SCIN: variants seen among roughly 807,000 people sequenced by gnomAD.
SCIN encodes the protein scinderin.
In SCIN, 91 loss-of-function variants were observed where a neutral mutation model predicts 91.8. The ratio of observed to expected loss-of-function variants is 0.99; its 90% CI spans 0.84 to 1.18. SCIN has a LOEUF of 1.18. Among genes scored for constraint, SCIN ranks in the 50% most tolerant of loss-of-function variants. SCIN has a pLI of 0.00. For synonymous variants in SCIN, 367 were observed against 312.6 expected (o/e 1.17, Z -1.84); for missense variants, 1,087 against 863.9 (o/e 1.26, Z -3.24).
At chr7:12,572,419 A>G (rs928892514) in intron 1 of SCIN, among the ~76,000 whole-genome samples, 1 of 152,244 alleles carries the variant, frequency 6.6e-6, no homozygotes, top group Non-Finnish European at 1.5e-5. Context: ...GCCAGATAGA[A>G]TAATGATGTC....
intron 10 of SCIN, among the ~76,000 whole-genome samples, chr7:12,638,502 G>A (rs1783796954): frequency 6.6e-6 from 1 of 152,184 alleles, no homozygotes; most frequent in Non-Finnish European, 1.5e-5. Context: ...CCTTTACATG[G>A]TTGTGCCTGT....
At chr7:12,623,025 G>C (rs1471383104) in intron 5 of SCIN, 132 bp downstream of exon 5, 2 of 533,396 alleles carry the variant, frequency 3.7e-6, no homozygotes, top group African/African-American at 2.0e-5. Context: ...TGTGTAGATA[G>C]AATCAGTTCT....
At chr7:12,598,870 T>G (rs1782897387) in intron 3 of SCIN, among the ~76,000 whole-genome samples, 1 of 151,664 alleles carries the variant, frequency 6.6e-6, no homozygotes, top group South Asian at 2.1e-4. Context: ...ACTGCATCAC[T>G]GCACTCCAGC....
At chr7:12,572,983 T>G (rs2115197177) in intron 1 of SCIN, among the ~76,000 whole-genome samples, 1 of 152,214 alleles carries the variant, frequency 6.6e-6, no homozygotes, top group East Asian at 1.9e-4. Context: ...TTTCTGTGGT[T>G]ATTGGGAAAC....
chr7:12,609,934 G>C (rs1783157448), intron 4 of SCIN, among the ~76,000 whole-genome samples: 2 of 152,132 alleles, frequency 1.3e-5, no homozygotes, highest in East Asian at 3.8e-4. Flanking sequence ...TTTATCAAGT[G>C]CAGGGTTGGT....
Position 12,632,415 on chromosome 7 carries a change from G to A in SCIN, c.1319+3193G>A, listed in dbSNP as rs142965513. ...TAAAGTGTTGAGATTACAGGCATGA[G>A]CCACTGCACCTGGCCTGTTTTTTAT... On this transcript the variant is annotated intron_variant, in intron 9 of 15. Coordinates refer to ENST00000297029, the MANE Select transcript of SCIN (RefSeq NM_001112706.3). 2.1e-4 allele frequency among the ~76,000 whole-genome samples: 32 copies of A among 152,214 alleles called. No individual in the cohort carries two copies. In the East Asian group the frequency reaches 5.8e-3, roughly 28 times the overall value.
rs1466305005 is a variant in SCIN at position 12,660,025 on chromosome 7, A to G, written c.*7310A>G. ...CCCACCCTTGAGAATGTACTTTGTG[A>G]GATCCACCCCCTGCCAGCAAAACAT... On this transcript the variant is annotated 3_prime_UTR_variant, in exon 16 of 16. Transcript: ENST00000297029. 3.3e-5 allele frequency: 5 copies of G among 152,254 alleles called. No individual in the cohort carries two copies. The highest frequency in any genetic ancestry group is 9.7e-5 in the African/African-American group (4 of 41,420). 9.4% of individuals were successfully genotyped at this position (152,254 alleles called of 1,614,324 possible). A position where few individuals can be genotyped will look rare whatever the true frequency, so the allele number is the denominator to read the frequency against.
chr7:12,588,272 C>T (rs1374592216), intron 3 of SCIN, among the ~76,000 whole-genome samples: 2 of 152,100 alleles, frequency 1.3e-5, no homozygotes, highest in African/African-American at 2.4e-5. Flanking sequence ...TAGTGCGTGC[C>T]GAGTGAATAG....
chr7:12,632,275 C>T (rs1053352749), intron 9 of SCIN, among the ~76,000 whole-genome samples: 6 of 151,756 alleles, frequency 4.0e-5, no homozygotes, highest in African/African-American at 1.5e-4. Flanking sequence ...GGATTAGAGG[C>T]GCACACCACA....
At chr7:12,582,032 C>G (rs116357662) in intron 3 of SCIN, among the ~76,000 whole-genome samples, 1,802 of 152,290 alleles carry the variant, frequency 0.012, 44 homozygotes, top group African/African-American at 0.041. Context: ...TTTCATCACA[C>G]CATACATCTC....
In SCIN at chr7:12,602,334, G is replaced by A. The variant is rs187093413; in HGVS notation, c.517-2180G>A. Among the ~76,000 whole-genome samples, 107 of 152,280 alleles carry A rather than the reference G, an allele frequency of 7.0e-4. 2 individuals carry two copies. The highest frequency in any genetic ancestry group is 6.8e-3 in the Middle Eastern group (2 of 294). On this transcript the variant is annotated intron_variant, in intron 3 of 15. Transcript: ENST00000297029. ...AGGAGAACAAAGATCACATGCTTCT[G>A]AGGAAACAGGACAAAAGGCAAAACA... is the stretch of plus-strand genomic sequence containing the variant.
At chr7:12,588,570 T>A (rs1782639459) in intron 3 of SCIN, among the ~76,000 whole-genome samples, 1 of 151,872 alleles carries the variant, frequency 6.6e-6, no homozygotes, top group African/African-American at 2.4e-5. Context: ...GGGTTTTATA[T>A]GGGGGAGAGA....
intron 7 of SCIN, 101 bp from the exon 8 acceptor site, chr7:12,626,483 G>C (rs934287573): frequency 6.5e-6 from 6 of 924,698 alleles, no homozygotes; most frequent in Non-Finnish European, 9.6e-6. Context: ...GCTAAACCAG[G>C]ATAATTTTCC....
At chr7:12,615,584 CA>C (rs1783282337) in intron 4 of SCIN, among the ~76,000 whole-genome samples, 1 of 152,030 alleles carries the variant, frequency 6.6e-6, no homozygotes, top group African/African-American at 2.4e-5. Flanking sequence ...TTCTTTATAG[CA>C]GTGTGAAAAT....
At chr7:12,621,812 G>A (rs1023560578) in intron 4 of SCIN, among the ~76,000 whole-genome samples, 2 of 151,690 alleles carry the variant, frequency 1.3e-5, no homozygotes, top group African/African-American at 2.4e-5. Context: ...ATTTGAGAGT[G>A]TACTTACACT....
Position 12,578,134 on chromosome 7 carries a change from T to C in SCIN, c.270T>C (p.Gly90=), listed in dbSNP as rs1306210162. Residue 90 remains glycine, a synonymous_variant, in exon 2 of 16, where the codon GGT becomes GGC. Transcript: ENST00000297029. The part of the protein sequence containing the change: ...IFTVQMDDYL[G]GKPVQNRELQ... ...CTGTTCAGATGGATGACTATTTGGGTGGCAAGCCAGTGCAGAATAGAGAAC... is the reference window on the plus strand; with the variant it reads ...CTGTTCAGATGGATGACTATTTGGGCGGCAAGCCAGTGCAGAATAGAGAAC... The C allele has an allele frequency of 2.6e-6, 4 of 1,551,334 alleles. No homozygotes were observed. Among genetic ancestry groups the C allele is most frequent in the Admixed American group, 3.9e-5 (2 of 50,926 alleles).
At position 12,640,455 on chromosome 7, in the gene SCIN, G is replaced by T; in HGVS notation, c.1519G>T (p.Ala507Ser). ...ATCAAAGAAAGGAGGTCAGGCACCTGCTCCCCCTACACGCCTCTTTCAAGT... is the reference window on the plus strand; with the variant it reads ...ATCAAAGAAAGGAGGTCAGGCACCTTCTCCCCCTACACGCCTCTTTCAAGT... ...GTSKKGGQAP[A>S]PPTRLFQVRR... Residue 507 changes from alanine (A) to serine (S), a missense_variant, in exon 11 of 16, where the codon GCT becomes TCT. By Grantham distance (99) the Ala-to-Ser change is moderately conservative. Coordinates refer to ENST00000297029, the MANE Select transcript of SCIN (RefSeq NM_001112706.3). 1.9e-6 allele frequency: 3 copies of T among 1,613,088 alleles called. No homozygotes were observed. Among genetic ancestry groups the T allele is most frequent in the East Asian group, 2.2e-5 (1 of 44,780 alleles).
intron 4 of SCIN, among the ~76,000 whole-genome samples, chr7:12,615,071 C>T (rs2691819): frequency 0.35 from 53,731 of 152,068 alleles, 10,080 homozygotes; most frequent in African/African-American, 0.46. Flanking sequence ...TTCTTACAGA[C>T]ACTGCGATCT....
In SCIN at chr7:12,570,817, G is replaced by T. The variant is rs1443926471; in HGVS notation, c.31G>T (p.Ala11Ser). The T allele has an allele frequency of 1.9e-6, 3 of 1,551,354 alleles. No homozygotes were observed. Among genetic ancestry groups the T allele is most frequent in the Admixed American group, 2.0e-5 (1 of 50,988 alleles). Reference protein sequence around the residue: MARELYHEEFARAGKQAGLQV... With the variant: MARELYHEEFSRAGKQAGLQV... ...GCGGGAGCTATACCACGAAGAGTTCGCCCGGGCGGGCAAGCAGGCGGGGCT... is the reference window on the plus strand; with the variant it reads ...GCGGGAGCTATACCACGAAGAGTTCTCCCGGGCGGGCAAGCAGGCGGGGCT... The change falls in exon 1 of 16, where the codon GCC (alanine) becomes TCC (serine). Residue 11 changes from alanine (A) to serine (S), a missense_variant. By Grantham distance (99) the Ala-to-Ser change is moderately conservative. Coordinates refer to ENST00000297029, the MANE Select transcript of SCIN (RefSeq NM_001112706.3).
Sources: gnomAD v4.1 joint callset for allele counts (sites outside exome capture counted in the v4.1 genomes callset) on GRCh38, gnomAD v4.1.1 for gene constraint, MANE v1.5 for transcripts, NCBI Gene and HGNC (gene_info 2026-07-23, HGNC 2026-07-21) for gene names.